OR14I1: variants seen among roughly 807,000 people sequenced by gnomAD.
The protein encoded by OR14I1 is olfactory receptor 14I1.
For synonymous variants in OR14I1, 118 were observed against 71.1 expected, an observed-to-expected ratio of 1.66 and a Z score of -3.32; for missense variants, 279 against 181.8, an observed-to-expected ratio of 1.53 and a Z score of -3.07.
downstream of OR14I1, among the ~76,000 whole-genome samples, chr1:248,678,419 T>G (rs1661509739): frequency 6.6e-6 from 1 of 152,212 alleles, no homozygotes; most frequent in South Asian, 2.1e-4. Flanking sequence ...TCATGTGCAA[T>G]GTTTTCTCTG....
the OR14I1 span, among the ~76,000 whole-genome samples, chr1:248,698,575 G>T: frequency 6.6e-6 from 1 of 152,218 alleles, no homozygotes; most frequent in African/African-American, 2.4e-5. Flanking sequence ...AAAAGCATAT[G>T]CTATCTCAAG....
downstream of OR14I1, among the ~76,000 whole-genome samples, chr1:248,681,043 C>T (rs906306211): frequency 2.0e-5 from 3 of 150,244 alleles, no homozygotes; most frequent in African/African-American, 7.3e-5. Flanking sequence ...GAGTGCAAGG[C>T]TACAGGTTCA....
chr1:248,698,616 A>G, the OR14I1 span, among the ~76,000 whole-genome samples: 4 of 152,234 alleles, frequency 2.6e-5, no homozygotes, highest in Non-Finnish European at 4.4e-5. Context: ...AAGTTCATAT[A>G]AAGTTTAGAA....
the OR14I1 span, among the ~76,000 whole-genome samples, chr1:248,690,553 C>G: frequency 1.4e-4 from 16 of 112,716 alleles, no homozygotes; most frequent in African/African-American, 5.3e-4. Flanking sequence ...CCTCAATAGA[C>G]CAGTAACAAG....
upstream of OR14I1, among the ~76,000 whole-genome samples, chr1:248,684,291 T>C (rs1009368997): frequency 2.0e-5 from 3 of 152,252 alleles, no homozygotes; most frequent in Non-Finnish European, 4.4e-5. Context: ...TGCTATTTTG[T>C]GTCCATTGCT....
the OR14I1 span, chr1:248,692,311 C>T: frequency 0.73 from 111,333 of 152,634 alleles, 43,994 homozygotes; most frequent in Non-Finnish European, 0.88. Context: ...CGTGAATTCC[C>T]TCCTGCATTC....
chr1:248,684,460 T>C (rs1661610128), upstream of OR14I1, among the ~76,000 whole-genome samples: 1 of 152,208 alleles, frequency 6.6e-6, no homozygotes, highest in Non-Finnish European at 1.5e-5. Flanking sequence ...GATGCAGCAA[T>C]GCTCCTTCTC....
rs749586614 is a variant in OR14I1 at position 248,682,183 on chromosome 1, A to G, written c.122T>C (p.Leu41Pro). 8 of 780,950 alleles carry G rather than the reference A, an allele frequency of 1.0e-5. No homozygotes were observed. The East Asian group carries it at 1.9e-4, about 19-fold the overall frequency. 48.4% of individuals were successfully genotyped at this position (780,950 alleles called of 1,614,324 possible). ...GAGAGTGATGACTGCAATGATGAGC[A>G]GGTTCCCCACCAGCACTGCCAGATA... Residue 41 changes from leucine to proline, a missense_variant, in exon 1 of 1, where the codon CTG (leucine) becomes CCG (proline). Coordinates refer to ENST00000342623, the Ensembl canonical transcript of OR14I1.
the OR14I1 span, chr1:248,699,039 G>T: frequency 6.6e-6 from 1 of 152,200 alleles, no homozygotes; most frequent in East Asian, 1.9e-4. Flanking sequence ...TTCCTGGGGA[G>T]GGTACTTCAT....
upstream of OR14I1, among the ~76,000 whole-genome samples, chr1:248,686,123 T>C (rs902649393): frequency 2.2e-4 from 33 of 152,192 alleles, no homozygotes; most frequent in African/African-American, 7.7e-4. Flanking sequence ...GTAAAGCATA[T>C]TGAATTAAAT....
At chr1:248,690,595 C>A in the OR14I1 span, among the ~76,000 whole-genome samples, 2 of 30,708 alleles carry the variant, frequency 6.5e-5, no homozygotes, top group African/African-American at 9.6e-5. Flanking sequence ...TAATGGTCTA[C>A]CAACCAAAAA....
chr1:248,680,960 C>G (rs2103131748), downstream of OR14I1, among the ~76,000 whole-genome samples: 1 of 73,996 alleles, frequency 1.4e-5, no homozygotes, highest in African/African-American at 4.3e-5. Context: ...GGTACTAAAA[C>G]TGTGTGCGTG....
chr1:248,687,809 T>C, the OR14I1 span, among the ~76,000 whole-genome samples: 1 of 152,190 alleles, frequency 6.6e-6, no homozygotes, highest in Non-Finnish European at 1.5e-5. Flanking sequence ...TTATTTAATT[T>C]TGGCAATACT....
At chr1:248,689,513 T>A in the OR14I1 span, among the ~76,000 whole-genome samples, 1 of 152,132 alleles carries the variant, frequency 6.6e-6, no homozygotes, top group Non-Finnish European at 1.5e-5. Context: ...AGAGTTTGAA[T>A]CCAAGAGGAA....
the OR14I1 span, among the ~76,000 whole-genome samples, chr1:248,689,084 G>A: frequency 4.1e-4 from 62 of 152,238 alleles, no homozygotes; most frequent in Non-Finnish European, 7.2e-4. Flanking sequence ...CTTGGGACAC[G>A]CGGTCCTTTA....
the OR14I1 span, among the ~76,000 whole-genome samples, chr1:248,690,678 T>C: frequency 6.7e-6 from 1 of 148,618 alleles, no homozygotes; most frequent in East Asian, 2.0e-4. Flanking sequence ...ACAGTTCCTT[T>C]TGAAACTATT....
At chr1:248,690,778 A>C in the OR14I1 span, among the ~76,000 whole-genome samples, 2 of 149,986 alleles carry the variant, frequency 1.3e-5, no homozygotes, top group Non-Finnish European at 3.0e-5. Flanking sequence ...GACACAACCA[A>C]AAAAAAAAAA....
At chr1:248,683,228 A>G (rs1190521354), upstream of OR14I1, among the ~76,000 whole-genome samples, 1 of 152,184 alleles carries the variant, frequency 6.6e-6, no homozygotes, top group Admixed American at 6.5e-5. Context: ...CATAGAAAAT[A>G]ACTTTGACTA....
chr1:248,684,648 A>G (rs1018397975), upstream of OR14I1, among the ~76,000 whole-genome samples: 10 of 152,188 alleles, frequency 6.6e-5, no homozygotes, highest in Admixed American at 6.5e-4. Context: ...TGAACATTTC[A>G]ACATAGTTTT....
Sources: allele counts gnomAD v4.1 joint callset (sites outside exome capture counted in the v4.1 genomes callset), GRCh38; gene constraint gnomAD v4.1.1; transcripts MANE v1.5; gene names NCBI Gene and HGNC (gene_info 2026-07-23, HGNC 2026-07-21).